The following CACNA2D3 variants were observed in gnomAD, a reference collection of about 807,000 sequenced individuals.
CACNA2D3 encodes calcium voltage-gated channel auxiliary subunit alpha2delta 3, also known as voltage-dependent calcium channel subunit alpha-2/delta-3.
A neutral mutation model predicts 160.6 loss-of-function variants in CACNA2D3; 60 were observed. The observed-to-expected ratio is 0.37, with a 90% CI of 0.30 to 0.46. The LOEUF (loss-of-function observed/expected upper bound fraction) is 0.46. Among genes scored for constraint, CACNA2D3 ranks in the 20% least tolerant of loss-of-function variants. The pLI is 1.00. For synonymous variants in CACNA2D3, 558 were observed against 492.9 expected, an observed-to-expected ratio of 1.13 and a Z score of -1.75; for missense variants, 1,205 against 1,365.0, an observed-to-expected ratio of 0.88 and a Z score of 1.85.
At chr3:54,995,835 A>G (rs1020342088) in intron 31 of CACNA2D3, among the ~76,000 whole-genome samples, 3 of 152,126 alleles carry the variant, frequency 2.0e-5, no homozygotes, top group African/African-American at 7.2e-5. Flanking sequence ...GCTTCAAACT[A>G]TATGAGTCCT....
chr3:54,682,762 A>G (rs1402569503), intron 11 of CACNA2D3, among the ~76,000 whole-genome samples: 2 of 152,170 alleles, frequency 1.3e-5, no homozygotes, highest in Non-Finnish European at 2.9e-5. Context: ...ATTAAAATCT[A>G]ATCTTCCCAC....
chr3:54,729,225 A>G (rs1443143982), intron 11 of CACNA2D3, among the ~76,000 whole-genome samples: 4 of 152,086 alleles, frequency 2.6e-5, no homozygotes, highest in Non-Finnish European at 5.9e-5. Context: ...CCAGCCTCAT[A>G]TTCTTCCCTA....
intron 35 of CACNA2D3, among the ~76,000 whole-genome samples, chr3:55,053,010 A>G (rs1057012988): frequency 6.6e-6 from 1 of 152,102 alleles, no homozygotes; most frequent in Non-Finnish European, 1.5e-5. Context: ...TTAATGTAGA[A>G]TATACTGACC....
At chr3:54,880,984 C>T in intron 21 of CACNA2D3, 121 bp downstream of exon 21, 3 of 791,220 alleles carry the variant, frequency 3.8e-6, no homozygotes, top group Non-Finnish European at 6.7e-6. Flanking sequence ...CTTGGACATT[C>T]CACTCAAACG....
At chr3:54,147,575 A>G (rs748122531) in intron 2 of CACNA2D3, among the ~76,000 whole-genome samples, 7 of 152,222 alleles carry the variant, frequency 4.6e-5, no homozygotes, top group Non-Finnish European at 8.8e-5. Flanking sequence ...TGACTCTTCC[A>G]TACTCTGTGT....
At chr3:54,341,947 C>T (rs1013046018) in intron 3 of CACNA2D3, among the ~76,000 whole-genome samples, 10 of 151,912 alleles carry the variant, frequency 6.6e-5, no homozygotes, top group Non-Finnish European at 1.2e-4. Flanking sequence ...AGGCATGGTT[C>T]TGATTTTATT....
At chr3:54,994,039 G>A (rs1185691557) in intron 31 of CACNA2D3, among the ~76,000 whole-genome samples, 2 of 151,926 alleles carry the variant, frequency 1.3e-5, no homozygotes, top group East Asian at 3.9e-4. Context: ...ATGGGATCTG[G>A]CAAATGTCCT....
intron 13 of CACNA2D3, among the ~76,000 whole-genome samples, chr3:54,781,282 G>A (rs1028159328): frequency 6.6e-6 from 1 of 152,144 alleles, no homozygotes; most frequent in African/African-American, 2.4e-5. Flanking sequence ...TGTAAGGTCT[G>A]GTGATTTCCC....
chr3:55,016,904 C>T (rs1703337298), intron 34 of CACNA2D3, among the ~76,000 whole-genome samples: 1 of 152,168 alleles, frequency 6.6e-6, no homozygotes, highest in South Asian at 2.1e-4. Flanking sequence ...TTCCTGATCA[C>T]CCCACAAGTG....
chr3:54,813,391 C>T (rs999329590), intron 13 of CACNA2D3, among the ~76,000 whole-genome samples: 1 of 152,138 alleles, frequency 6.6e-6, no homozygotes, highest in Non-Finnish European at 1.5e-5. Context: ...ATGAGAAGTG[C>T]CCAGGCTGGT....
intron 10 of CACNA2D3, among the ~76,000 whole-genome samples, chr3:54,637,056 G>A (rs1181896378): frequency 6.6e-6 from 1 of 151,966 alleles, no homozygotes; most frequent in Admixed American, 6.5e-5. Flanking sequence ...GGGTGGATAG[G>A]CAAAACAATT....
chr3:54,942,176 A>G (rs1701486680), intron 27 of CACNA2D3, among the ~76,000 whole-genome samples: 1 of 152,246 alleles, frequency 6.6e-6, no homozygotes, highest in Non-Finnish European at 1.5e-5. Context: ...GCAACAGGGC[A>G]GTGATACAAC....
intron 2 of CACNA2D3, among the ~76,000 whole-genome samples, chr3:54,279,047 A>C (rs2107460247): frequency 6.6e-6 from 1 of 152,274 alleles, no homozygotes; most frequent in Middle Eastern, 3.4e-3. Context: ...AGCATTCTTT[A>C]ATGTACACGG....
chr3:54,949,146 T>C (rs1405618560), intron 27 of CACNA2D3, among the ~76,000 whole-genome samples: 2 of 152,212 alleles, frequency 1.3e-5, no homozygotes, highest in Non-Finnish European at 2.9e-5. Context: ...TCCTAAAAGT[T>C]TCAGTTCAAT....
intron 35 of CACNA2D3, among the ~76,000 whole-genome samples, chr3:55,035,218 A>T (rs1485863232): frequency 1.3e-5 from 2 of 152,198 alleles, no homozygotes; most frequent in African/African-American, 4.8e-5. Flanking sequence ...TATACATTTA[A>T]TGCTTTTGTT....
At chr3:54,567,223 C>A (rs1422289252) in intron 6 of CACNA2D3, among the ~76,000 whole-genome samples, 1 of 152,130 alleles carries the variant, frequency 6.6e-6, no homozygotes, top group Non-Finnish European at 1.5e-5. Context: ...CATTTTACAG[C>A]CAAGTTTGAC....
intron 5 of CACNA2D3, among the ~76,000 whole-genome samples, chr3:54,523,772 G>A (rs1472323733): frequency 6.6e-6 from 1 of 151,942 alleles, no homozygotes; most frequent in Non-Finnish European, 1.5e-5. Context: ...TTTCATCTAA[G>A]TTATTTATTT....
chr3:54,704,961 C>T (rs143100140), intron 11 of CACNA2D3, among the ~76,000 whole-genome samples: 1 of 152,120 alleles, frequency 6.6e-6, no homozygotes, highest in African/African-American at 2.4e-5. Context: ...AATGGACTTT[C>T]CTGGGGGGCT....
At chr3:54,333,075 G>A (rs1479962560) in intron 3 of CACNA2D3, among the ~76,000 whole-genome samples, 1 of 152,150 alleles carries the variant, frequency 6.6e-6, no homozygotes, top group African/African-American at 2.4e-5. Flanking sequence ...CCAGTTGAAG[G>A]CATTGAGAAG....
Sources: allele counts gnomAD v4.1 joint callset (sites outside exome capture counted in the v4.1 genomes callset), GRCh38; gene constraint gnomAD v4.1.1; transcripts MANE v1.5; gene names NCBI Gene and HGNC (gene_info 2026-07-23, HGNC 2026-07-21).